VPS13B: variants seen among roughly 807,000 people sequenced by gnomAD.
VPS13B encodes the protein intermembrane lipid transfer protein VPS13B.
A neutral mutation model predicts 426.4 loss-of-function variants in VPS13B; 285 were observed. The ratio of observed to expected loss-of-function variants is 0.67; its 90% CI spans 0.61 to 0.74. The LOEUF (loss-of-function observed/expected upper bound fraction) is 0.74, where lower values mean the gene tolerates loss of function less well. VPS13B is among the 30% of genes least tolerant of loss of function. The pLI, the probability that VPS13B is intolerant of heterozygous loss-of-function variation, is 0.00. For missense variants in VPS13B, 4,537 were observed against 4,782.6 expected, an observed-to-expected ratio of 0.95 and a Z score of 1.51; for synonymous variants, 1,676 against 1,676.4, an observed-to-expected ratio of 1.00 and a Z score of 0.01.
chr8:99,190,737 T>C (rs1315188978), intron 16 of VPS13B, among the ~76,000 whole-genome samples: 1 of 152,224 alleles, frequency 6.6e-6, no homozygotes, highest in East Asian at 1.9e-4. Context: ...GCATTCTACT[T>C]TTACATATGT....
chr8:99,439,582 G>A (rs902481374), intron 22 of VPS13B, among the ~76,000 whole-genome samples: 1 of 151,896 alleles, frequency 6.6e-6, no homozygotes, highest in Non-Finnish European at 1.5e-5. Context: ...AGAACATTTG[G>A]TACTGTAGAA....
intron 19 of VPS13B, among the ~76,000 whole-genome samples, chr8:99,331,999 A>AT (rs1258797322): frequency 1.3e-4 from 20 of 151,718 alleles, no homozygotes; most frequent in Admixed American, 1.3e-3. Context: ...TCTCAAAATC[A>AT]TTTTTTCAGA....
chr8:99,829,015 G>T (rs1277916339), intron 51 of VPS13B, among the ~76,000 whole-genome samples: 1 of 152,128 alleles, frequency 6.6e-6, no homozygotes, highest in Non-Finnish European at 1.5e-5. Flanking sequence ...GGATCTTTCT[G>T]TCTGGCTGCC....
At chr8:99,078,371 CT>C (rs2132357031) in intron 3 of VPS13B, among the ~76,000 whole-genome samples, 1 of 149,396 alleles carries the variant, frequency 6.7e-6, no homozygotes, top group South Asian at 2.2e-4. Context: ...GGTGCTTTGT[CT>C]TTGATTCTTG....
intron 12 of VPS13B, among the ~76,000 whole-genome samples, chr8:99,142,368 T>C (rs949418787): frequency 3.3e-5 from 5 of 152,200 alleles, no homozygotes; most frequent in African/African-American, 1.2e-4. Flanking sequence ...TATTAGATAA[T>C]GACACATGCC....
chr8:99,102,337 A>C (rs973435940), intron 4 of VPS13B, among the ~76,000 whole-genome samples: 11 of 151,908 alleles, frequency 7.2e-5, no homozygotes, highest in Non-Finnish European at 1.5e-4. Context: ...ATATTTCTTT[A>C]ACTCTTCCTG....
chr8:99,282,073 A>G (rs1819200648), intron 19 of VPS13B, among the ~76,000 whole-genome samples: 1 of 152,020 alleles, frequency 6.6e-6, no homozygotes, highest in African/African-American at 2.4e-5. Context: ...ATACTTCATT[A>G]TTCACTCTTT....
At chr8:99,376,802 G>A (rs1362127230) in intron 19 of VPS13B, among the ~76,000 whole-genome samples, 2 of 151,716 alleles carry the variant, frequency 1.3e-5, no homozygotes, top group Admixed American at 6.6e-5. Flanking sequence ...TGTTTACTAG[G>A]TTTTGAAATT....
intron 43 of VPS13B, among the ~76,000 whole-genome samples, chr8:99,806,286 C>T (rs1020767137): frequency 6.6e-6 from 1 of 152,224 alleles, no homozygotes; most frequent in African/African-American, 2.4e-5. Flanking sequence ...AGATGGTTAA[C>T]CTTGTCCCGA....
chr8:99,829,899 C>A (rs773439988), intron 51 of VPS13B, among the ~76,000 whole-genome samples: 25 of 152,220 alleles, frequency 1.6e-4, no homozygotes, highest in Admixed American at 3.3e-4. Context: ...CCACCCCAGA[C>A]CCTGTTTGCC....
At chr8:99,020,364 C>A (rs1841825427) in intron 2 of VPS13B, among the ~76,000 whole-genome samples, 1 of 152,008 alleles carries the variant, frequency 6.6e-6, no homozygotes. Flanking sequence ...TATAGGAGTT[C>A]TTTATGTATT....
chr8:99,199,518 A>T (rs1160967822), intron 17 of VPS13B, among the ~76,000 whole-genome samples: 1 of 152,026 alleles, frequency 6.6e-6, no homozygotes, highest in African/African-American at 2.4e-5. Flanking sequence ...ACCACCTTTC[A>T]TCATAATCTC....
At chr8:99,699,368 G>A (rs1182469130) in intron 35 of VPS13B, among the ~76,000 whole-genome samples, 157 bp from the exon 36 acceptor site, 3 of 152,010 alleles carry the variant, frequency 2.0e-5, no homozygotes, top group Non-Finnish European at 2.9e-5. Context: ...GGAAAGAATC[G>A]TTAAGTGATG....
chr8:99,789,155 A>G (rs552745440), intron 43 of VPS13B, among the ~76,000 whole-genome samples: 1 of 152,308 alleles, frequency 6.6e-6, no homozygotes, highest in African/African-American at 2.4e-5. Flanking sequence ...ACGGAAAGCA[A>G]CAGGTTTTGA....
chr8:99,391,438 T>A (rs982819257), intron 20 of VPS13B, 119 bp from the exon 21 acceptor site: 88 of 1,494,178 alleles, frequency 5.9e-5, no homozygotes, highest in Non-Finnish European at 7.9e-5. Context: ...TTTACAATAA[T>A]GAAGTCTCAG....
At chr8:99,400,286 A>G (rs1297582418) in intron 21 of VPS13B, among the ~76,000 whole-genome samples, 1 of 152,216 alleles carries the variant, frequency 6.6e-6, no homozygotes, top group East Asian at 1.9e-4. Context: ...GGGGGAAATA[A>G]GAACCCCCAT....
chr8:99,489,934 C>G (rs1021288537), intron 25 of VPS13B, among the ~76,000 whole-genome samples: 1 of 152,146 alleles, frequency 6.6e-6, no homozygotes, highest in Non-Finnish European at 1.5e-5. Context: ...GAACTTCCAA[C>G]ACTATATTGA....
chr8:99,656,772 T>A (rs1257191704), intron 34 of VPS13B, among the ~76,000 whole-genome samples: 2 of 152,204 alleles, frequency 1.3e-5, no homozygotes, highest in Admixed American at 6.5e-5. Context: ...CTGACTCATG[T>A]TATATTTTCT....
At chr8:99,321,234 A>G (rs139349741) in intron 19 of VPS13B, among the ~76,000 whole-genome samples, 2,406 of 132,340 alleles carry the variant, frequency 0.018, 240 homozygotes, top group Admixed American at 0.16. Context: ...TTTTTGAGAC[A>G]GAGTCTTGCT....
Sources: gnomAD v4.1 joint callset for allele counts (sites outside exome capture counted in the v4.1 genomes callset) on GRCh38, gnomAD v4.1.1 for gene constraint, MANE v1.5 for transcripts, NCBI Gene and HGNC (gene_info 2026-07-23, HGNC 2026-07-21) for gene names.